MED25: variants seen among roughly 807,000 people sequenced by gnomAD.
The protein encoded by MED25 is mediator complex subunit 25.
MED25 carries 62 observed loss-of-function variants against 89.4 expected under a neutral mutation model. That is an observed-to-expected ratio of 0.69 (90% CI 0.57 to 0.86). MED25 has a LOEUF of 0.86. Ranked by LOEUF, MED25 falls within the 40% of genes least tolerant of loss-of-function variation. The pLI, the probability that MED25 is intolerant of heterozygous loss-of-function variation, is 0.00. For synonymous variants in MED25, 449 were observed against 427.9 expected (o/e 1.05, Z -0.61); for missense variants, 905 against 1,005.2 (o/e 0.90, Z 1.35).
chr19:49,830,538 G>T lies in MED25; in HGVS notation c.847G>T (p.Val283Leu), dbSNP rs1302031566. Reference sequence around the variant, plus strand: ...TCCCGGGAACCTGAGTGCAGCTCAGGTGGCCGCGCAGAATGCAGTGGAGGC... The same window carrying T: ...TCCCGGGAACCTGAGTGCAGCTCAGTTGGCCGCGCAGAATGCAGTGGAGGC... ...QVPGNLSAAQ[V>L]AAQNAVEAAK... The change falls in exon 8 of 18, where the codon GTG becomes TTG. Residue 283 changes from valine to leucine, a missense_variant. Val to Leu is a conservative substitution (Grantham distance 32). Coordinates refer to ENST00000312865, the MANE Select transcript of MED25 (RefSeq NM_030973.4). This position sits in a 1 kb window ranked among gnomAD's most constrained non-coding sequence, Gnocchi z 4.6. The T allele has an allele frequency of 3.1e-6, 5 of 1,614,014 alleles. No homozygotes were observed. Among genetic ancestry groups the T allele is most frequent in the Middle Eastern group, 1.6e-4 (1 of 6,084 alleles).
At position 49,830,731 on chromosome 19, in the gene MED25, A is replaced by C. The variant is rs2123880035; in HGVS notation, c.945A>C (p.Gly315=). ...CCCCTCTCCAACAAGCTGCTCCCGGAGTGGGTCCCCCCTTCAGCCAGGCCC... is the reference window on the plus strand; with the variant it reads ...CCCCTCTCCAACAAGCTGCTCCCGGCGTGGGTCCCCCCTTCAGCCAGGCCC... The part of the protein sequence containing the change: ...PITPLQQAAP[G]VGPPFSQAPA... Residue 315 remains glycine (G), a synonymous_variant, in exon 9 of 18, where the codon GGA becomes GGC. Coordinates refer to ENST00000312865, the MANE Select transcript of MED25 (RefSeq NM_030973.4). The surrounding 1 kb of genome is among the most constrained non-coding windows in gnomAD (Gnocchi z 4.6). 1.2e-6 allele frequency: 2 copies of C among 1,613,684 alleles called. No individual in the cohort carries two copies. The highest frequency in any genetic ancestry group is 1.7e-6 in the Non-Finnish European group (2 of 1,179,876).
Position 49,828,747 on chromosome 19 carries a change from G to A in MED25, c.404+200G>A, listed in dbSNP as rs546652332. ...CCGGTCTCAGCATCCCCATCAGGAA[G>A]CAGTGCCAACTCTGGGTGTCACTCC... On this transcript the variant is annotated intron_variant, in intron 4 of 17. Coordinates refer to ENST00000312865, the MANE Select transcript of MED25 (RefSeq NM_030973.4). Among the ~76,000 whole-genome samples the A allele has an allele frequency of 7.2e-5, 11 of 152,328 alleles. No homozygotes were observed. The South Asian group carries it at 2.3e-3, about 32-fold the overall frequency.
chr19:49,835,214 C>G lies in MED25; in HGVS notation c.1674+37C>G, dbSNP rs774686091. On this transcript the variant is annotated intron_variant, in intron 14 of 17. Transcript: ENST00000312865. The surrounding 1 kb of genome is among the most constrained non-coding windows in gnomAD (Gnocchi z 6.2). ...CAGTCCCCAAACCAGCACTCCGACC[C>G]CCTCCTGCCCGGGCCCCACATGGCC... The G allele has an allele frequency of 2.5e-6, 4 of 1,611,108 alleles. No individual in the cohort carries two copies. Among genetic ancestry groups the G allele is most frequent in the South Asian group, 2.2e-5 (2 of 91,020 alleles).
In MED25 at chr19:49,831,373, C is replaced by A; in HGVS notation, c.1142C>A (p.Pro381Gln). 1 of 1,611,244 alleles carries A rather than the reference C, an allele frequency of 6.2e-7. No individual in the cohort carries two copies. Among genetic ancestry groups the A allele is most frequent in the Non-Finnish European group, 8.5e-7 (1 of 1,178,944 alleles). Residue 381 changes from proline to glutamine, a missense_variant, in exon 10 of 18, where the codon CCA (proline) becomes CAA (glutamine). By Grantham distance (76) the Pro-to-Gln change is moderately conservative (BLOSUM62 -1). This residue lies in a region of MED25 where 501 missense variants were observed against 526.9 expected (regional missense o/e 0.95). Coordinates refer to ENST00000312865, the MANE Select transcript of MED25 (RefSeq NM_030973.4). The surrounding 1 kb of genome is among the most constrained non-coding windows in gnomAD (Gnocchi z 5.0). ...VAPGGVSGPS[P>Q]AQLGAPALGG... ...CCAGGAGGGGTGAGCGGCCCTTCCC[C>A]AGCCCAGCTGGGAGCCCCAGCCCTC...
At chr19:49,839,104 C>T (rs756547654), downstream of MED25, 44 of 284,622 alleles carry the variant, frequency 1.5e-4, no homozygotes, top group Non-Finnish European at 2.4e-4. Flanking sequence ...TTTCGCTGCT[C>T]ATAAACTATT....
At chr19:49,824,686 A>G (rs1346047494) in intron 3 of MED25, among the ~76,000 whole-genome samples, 1 of 152,190 alleles carries the variant, frequency 6.6e-6, no homozygotes, top group East Asian at 1.9e-4. Context: ...TCACTCATTA[A>G]TTCAACAAAT....
At position 49,830,317 on chromosome 19, in the gene MED25, G is replaced by A. The variant is rs1040450113; in HGVS notation, c.819+99G>A. 5 of 1,313,562 alleles carry A rather than the reference G, an allele frequency of 3.8e-6. No individual in the cohort carries two copies. In the African/African-American group the frequency reaches 7.3e-5, roughly 19 times the overall value. The allele number at this position is 1,313,562 out of a possible 1,614,324, so 81.4% of individuals were successfully genotyped here. ...TGCATGTTGGAGCTTGTGGGATGAT[G>A]GGAGTCCCATGGGACATTGGGAAGG... is the stretch of plus-strand genomic sequence containing the variant. On this transcript the variant is annotated intron_variant, in intron 7 of 17. Transcript: ENST00000312865. This position sits in a 1 kb window ranked among gnomAD's most constrained non-coding sequence, Gnocchi z 4.6.
In MED25 at chr19:49,835,723, C is replaced by T. The variant is rs1236627532; in HGVS notation, c.1747-4C>T. The T allele has an allele frequency of 1.9e-6, 3 of 1,608,792 alleles. No individual in the cohort carries two copies. The African/African-American group carries it at 4.0e-5, about 22-fold the overall frequency. ...TCCCTCACCCCTGTGTCTCTTCCCACCAGCTCCAGCTCCGCCCACCGCAGC... is the reference window on the plus strand; with the variant it reads ...TCCCTCACCCCTGTGTCTCTTCCCATCAGCTCCAGCTCCGCCCACCGCAGC... On this transcript the variant is annotated splice_polypyrimidine_tract_variant and splice_region_variant and intron_variant, in intron 15 of 17. Coordinates refer to ENST00000312865, the MANE Select transcript of MED25 (RefSeq NM_030973.4). The surrounding 1 kb of genome is among the most constrained non-coding windows in gnomAD (Gnocchi z 6.2).
chr19:49,837,473 A>G (rs1012861522), downstream of MED25, among the ~76,000 whole-genome samples: 1 of 152,192 alleles, frequency 6.6e-6, no homozygotes, highest in African/African-American at 2.4e-5. Context: ...TGAGCAGCCC[A>G]TGGTTTGTCC....
At chr19:49,819,335 G>T (rs1258369826) in intron 3 of MED25, 39 bp downstream of exon 3, 1 of 1,609,436 alleles carries the variant, frequency 6.2e-7, no homozygotes. Flanking sequence ...GCTGGTCCCT[G>T]TGAGGGGCCG....
At chr19:49,832,198 C>A in intron 12 of MED25, 41 bp downstream of exon 12, 7 of 1,603,846 alleles carry the variant, frequency 4.4e-6, no homozygotes, top group Non-Finnish European at 6.0e-6. Context: ...CCGGGCAGTC[C>A]TCACCCTGCT....
rs552878679 is a variant in MED25, at chr19:49,830,037, C to T, written c.689-51C>T. The stretch of plus-strand genomic sequence containing the variant: ...TGGATTTTGGATTTCTCTCCTTTCT[C>T]TGCATCTTGAATCCCTTCTCTCTGG... On this transcript the variant is annotated intron_variant, in intron 6 of 17. Transcript: ENST00000312865. The surrounding 1 kb of genome is among the most constrained non-coding windows in gnomAD (Gnocchi z 4.6). 8.1e-6 allele frequency: 13 copies of T among 1,598,148 alleles called. No homozygotes were observed. In the Admixed American group the frequency reaches 1.3e-4, roughly 17 times the overall value.
chr19:49,836,914 G>A lies in MED25; in HGVS notation c.2214G>A (p.Met738Ile). 1 of 1,613,080 alleles carries A rather than the reference G, an allele frequency of 6.2e-7. No homozygotes were observed. The highest frequency in any genetic ancestry group is 8.5e-7 in the Non-Finnish European group (1 of 1,179,868). Residue 738 changes from methionine (M) to isoleucine (I), a missense_variant, in exon 18 of 18, where the codon ATG (methionine) becomes ATA (isoleucine). Physicochemically the swap from Met to Ile is conservative, Grantham distance 10. This residue lies in a region of MED25 where 271 missense variants were observed against 258.1 expected (regional missense o/e 1.05). Transcript: ENST00000312865. This position sits in a 1 kb window ranked among gnomAD's most constrained non-coding sequence, Gnocchi z 5.1. ...AGCCGGGCCTGCAGCCCAGCGTCAT[G>A]GAGGACGACATCCTCATGGATCTCA... ...VPQPGLQPSV[M>I]EDDILMDLI
At chr19:49,837,388 T>G (rs114866406), downstream of MED25, among the ~76,000 whole-genome samples, 1,436 of 152,340 alleles carry the variant, frequency 9.4e-3, 17 homozygotes, top group African/African-American at 0.033. Flanking sequence ...AGTTGATGGA[T>G]GCTTTTGGAG....
intron 3 of MED25, among the ~76,000 whole-genome samples, chr19:49,821,816 CAAAA>C (rs35798804): frequency 3.6e-5 from 3 of 84,128 alleles, no homozygotes; most frequent in South Asian, 3.5e-4. Context: ...AATTCTGTCT[CAAAA>C]AAAAAAAAAA....
chr19:49,828,610 C>T (rs2074031547), intron 4 of MED25, 63 bp downstream of exon 4: 8 of 1,343,814 alleles, frequency 6.0e-6, no homozygotes, highest in South Asian at 4.7e-5. Context: ...ACCACTTTGC[C>T]TGTCGAGTGG....
chr19:49,818,821 G>T, intron 2 of MED25: 1 of 624,496 alleles, frequency 1.6e-6, no homozygotes, highest in South Asian at 1.9e-5. Flanking sequence ...CCGGATTCCT[G>T]GGTCCGAGGG....
At chr19:49,828,646 G>A (rs1330429918) in intron 4 of MED25, 99 bp downstream of exon 4, 3 of 1,072,446 alleles carry the variant, frequency 2.8e-6, no homozygotes, top group Non-Finnish European at 1.4e-6. Context: ...CACCCTGTAG[G>A]GCATGGGCTC....
chr19:49,836,628 C>T lies in MED25; in HGVS notation c.2147-219C>T. Reference sequence around the variant, plus strand: ...GTTTCCCATGATCCTCCTGTGTGTGCTCCTGGGATTGCTGGGAAATGTGGT... The same window carrying T: ...GTTTCCCATGATCCTCCTGTGTGTGTTCCTGGGATTGCTGGGAAATGTGGT... On this transcript the variant is annotated intron_variant, in intron 17 of 17. Coordinates refer to ENST00000312865, the MANE Select transcript of MED25 (RefSeq NM_030973.4). The surrounding 1 kb of genome is among the most constrained non-coding windows in gnomAD (Gnocchi z 5.1). 2.7e-6 allele frequency: 2 copies of T among 744,320 alleles called. No homozygotes were observed. The highest frequency in any genetic ancestry group is 4.8e-6 in the Non-Finnish European group (2 of 415,248). 46.1% of individuals were successfully genotyped at this position (744,320 alleles called of 1,614,324 possible).
Sources: gnomAD v4.1 joint callset for allele counts (sites outside exome capture counted in the v4.1 genomes callset) on GRCh38, gnomAD v4.1.1 for gene constraint, gnomAD v4.1.1 regional missense constraint, Gnocchi (gnomAD v3.1) non-coding constraint, MANE v1.5 for transcripts, NCBI Gene and HGNC (gene_info 2026-07-23, HGNC 2026-07-21) for gene names.